Variants in NOM1 observed in about 807,000 individuals in gnomAD.
The protein encoded by NOM1 is nucleolar MIF4G domain-containing protein 1.
Under a neutral mutation model 73.3 loss-of-function variants are expected in NOM1, and 58 were observed. The observed-to-expected ratio is 0.79, with a 90% CI of 0.64 to 0.99. The LOEUF is 0.99. Among genes scored for constraint, NOM1 ranks in the 50% least tolerant of loss-of-function variants. The probability of loss-of-function intolerance (pLI) is 0.00; values close to 1 mark genes in which losing one functional copy is unlikely to be tolerated. For synonymous variants in NOM1, 487 were observed against 446.8 expected (o/e 1.09, Z -1.14); for missense variants, 1,226 against 1,131.9 (o/e 1.08, Z -1.19).
At position 156,957,603 on chromosome 7, in the gene NOM1, G is replaced by A. The variant is rs570535276; in HGVS notation, c.1309-2248G>A. 2.8e-4 allele frequency among the ~76,000 whole-genome samples: 42 copies of A among 151,882 alleles called. No individual in the cohort carries two copies. The South Asian group carries it at 3.5e-3, about 13-fold the overall frequency. On this transcript the variant is annotated intron_variant, in intron 3 of 10. Transcript: ENST00000275820. ...ATCCTGGCTAACATGGTGAAACCCC[G>A]TTTCTACTAAAAATACAAAAAATTA...
chr7:156,966,290 A>C lies in NOM1; in HGVS notation c.2054A>C (p.Gln685Pro), dbSNP rs201348986. The C allele has an allele frequency of 2.3e-5, 37 of 1,614,018 alleles. No homozygotes were observed. Among genetic ancestry groups the C allele is most frequent in the Non-Finnish European group, 2.7e-5 (32 of 1,180,048 alleles). The part of the protein sequence containing the change: ...KLLKLGLKDQ[Q>P]EREIIHVLMD... Reference sequence around the variant, plus strand: ...TCTAGGCTTGGACTTAAGGATCAGCAGGAGAGAGAAATCATTCACGTTCTC... The same window carrying C: ...TCTAGGCTTGGACTTAAGGATCAGCCGGAGAGAGAAATCATTCACGTTCTC... The change falls in exon 8 of 11, where the codon CAG becomes CCG. Residue 685 changes from glutamine to proline, a missense_variant. By Grantham distance (76) the Gln-to-Pro change is moderately conservative. Transcript: ENST00000275820.
intron 9 of NOM1, among the ~76,000 whole-genome samples, chr7:156,968,426 G>A (rs901746014): frequency 6.6e-6 from 1 of 152,090 alleles, no homozygotes; most frequent in Admixed American, 6.6e-5. Flanking sequence ...AAGCGCCTGT[G>A]ATGGTGTTTG....
rs1804533105 is a variant in NOM1 at position 156,949,947 on chromosome 7, C to T, written c.210C>T (p.Ala70=). The change falls in exon 1 of 11, where the codon GCC becomes GCT. Residue 70 remains alanine, a synonymous_variant. Transcript: ENST00000275820. ...EAPGGCEGRG[A]PVSFRPGGRK... Reference sequence around the variant, plus strand: ...CCGGGGGTTGCGAGGGGCGCGGCGCCCCGGTGAGCTTTCGCCCGGGAGGGA... The same window carrying T: ...CCGGGGGTTGCGAGGGGCGCGGCGCTCCGGTGAGCTTTCGCCCGGGAGGGA... 2.6e-6 allele frequency: 4 copies of T among 1,541,914 alleles called. No homozygotes were observed. In the South Asian group the frequency reaches 3.6e-5, roughly 14 times the overall value.
chr7:156,963,682 C>T (rs536098374), intron 6 of NOM1: 10 of 461,236 alleles, frequency 2.2e-5, no homozygotes, highest in East Asian at 1.4e-4. Context: ...GGTTGAACCA[C>T]GACTGAGAAG....
In NOM1 at chr7:156,949,967, G is replaced by A. The variant is rs1441967381; in HGVS notation, c.230G>A (p.Gly77Glu). The A allele has an allele frequency of 1.5e-5, 23 of 1,540,996 alleles. No individual in the cohort carries two copies. In the South Asian group the frequency reaches 2.7e-4, roughly 18 times the overall value. The change falls in exon 1 of 11, where the codon GGA (glycine) becomes GAA (glutamate). Residue 77 changes from glycine to glutamate, a missense_variant. By Grantham distance (98) the Gly-to-Glu change is moderately conservative. Transcript: ENST00000275820. ...GRGAPVSFRP[G>E]GRKSRKELRK... ...GGCGCCCCGGTGAGCTTTCGCCCGG[G>A]AGGGAGAAAAAGCCGTAAGGAACTG...
rs1804964369 is a variant in NOM1, at chr7:156,965,170, GCTC to G, written c.2034-1096_2034-1094del. On this transcript the variant is annotated intron_variant, in intron 7 of 10. Coordinates refer to ENST00000275820, the MANE Select transcript of NOM1 (RefSeq NM_138400.2). Reference sequence around the variant, plus strand: ...CTGTGCTGTTTGCAGTGGAGCTGGTGCTCCTCTCCTGAGGTACAGAGTGTCTGC... The same window carrying G: ...CTGTGCTGTTTGCAGTGGAGCTGGTGCTCTCCTGAGGTACAGAGTGTCTGC... Among the ~76,000 whole-genome samples the G allele has an allele frequency of 2.0e-5, 3 of 152,246 alleles. No individual in the cohort carries two copies. In the South Asian group the frequency reaches 6.2e-4, roughly 32 times the overall value.
At chr7:156,961,027 T>C (rs1254601359) in intron 4 of NOM1, among the ~76,000 whole-genome samples, 3 of 152,090 alleles carry the variant, frequency 2.0e-5, no homozygotes, top group Admixed American at 6.5e-5. Flanking sequence ...CCTCCATTTT[T>C]GAAAGACTGG....
Position 156,952,372 on chromosome 7 carries a change from C to A in NOM1, c.988-102C>A, listed in dbSNP as rs943911493. ...CAGCAATGATCAGTAGCAGCTTCCA[C>A]CAGTTCTTGGAAGTTTAATATTTAA... On this transcript the variant is annotated intron_variant, in intron 1 of 10. Transcript: ENST00000275820. 4.8e-6 allele frequency: 6 copies of A among 1,248,886 alleles called. No individual in the cohort carries two copies. The African/African-American group carries it at 9.1e-5, about 19-fold the overall frequency. The allele number at this position is 1,248,886 out of a possible 1,614,324, so 77.4% of individuals were successfully genotyped here.
At chr7:156,957,616 A>G (rs1196328509) in intron 3 of NOM1, among the ~76,000 whole-genome samples, 1 of 152,066 alleles carries the variant, frequency 6.6e-6, no homozygotes, top group African/African-American at 2.4e-5. Flanking sequence ...TCTACTAAAA[A>G]TACAAAAAAT....
intron 4 of NOM1, among the ~76,000 whole-genome samples, chr7:156,961,866 G>A (rs953463591): frequency 1.5e-4 from 23 of 152,122 alleles, no homozygotes; most frequent in Non-Finnish European, 4.4e-5. Context: ...AGGTGTGGAC[G>A]GTGCGGAAGG....
intron 9 of NOM1, 133 bp downstream of exon 9, chr7:156,967,225 C>G (rs1805020227): frequency 9.1e-7 from 1 of 1,093,374 alleles, no homozygotes. Flanking sequence ...CTTGCATTAT[C>G]CTAGCCAGGA....
chr7:156,969,757 A>G lies in NOM1; in HGVS notation c.*54A>G, dbSNP rs754714057. On this transcript the variant is annotated 3_prime_UTR_variant, in exon 11 of 11. Transcript: ENST00000275820. ...TTTGACTGTAAAATGTCCTTGGTAA[A>G]CCCAAAGGCTTATTCTGTTGCCTGC... The G allele has an allele frequency of 6.6e-7, 1 of 1,515,178 alleles. No individual in the cohort carries two copies. Among genetic ancestry groups the G allele is most frequent in the South Asian group, 1.2e-5 (1 of 83,160 alleles). 93.9% of individuals were successfully genotyped at this position (1,515,178 alleles called of 1,614,324 possible).
At position 156,952,377 on chromosome 7, in the gene NOM1, T is replaced by G. The variant is rs943162566; in HGVS notation, c.988-97T>G. On this transcript the variant is annotated intron_variant, in intron 1 of 10. Coordinates refer to ENST00000275820, the MANE Select transcript of NOM1 (RefSeq NM_138400.2). ...ATGATCAGTAGCAGCTTCCACCAGT[T>G]CTTGGAAGTTTAATATTTAAATACA... is the stretch of plus-strand genomic sequence containing the variant. 30 of 1,318,882 alleles carry G rather than the reference T, an allele frequency of 2.3e-5. No homozygotes were observed. In the African/African-American group the frequency reaches 4.3e-4, roughly 19 times the overall value. 81.7% of individuals were successfully genotyped at this position (1,318,882 alleles called of 1,614,324 possible).
intron 1 of NOM1, among the ~76,000 whole-genome samples, chr7:156,951,104 G>A (rs1419189187): frequency 2.0e-5 from 3 of 152,112 alleles, no homozygotes; most frequent in Non-Finnish European, 4.4e-5. Context: ...TCTAAAACTC[G>A]AAGCTAATTT....
In NOM1 at chr7:156,972,861, TTAGA is replaced by T. The variant is rs1451353582; in HGVS notation, c.*3162_*3165del. The T allele has an allele frequency of 8.5e-5, 13 of 152,338 alleles. No individual in the cohort carries two copies. Among genetic ancestry groups the T allele is most frequent in the African/African-American group, 2.9e-4 (12 of 41,582 alleles). 9.4% of individuals were successfully genotyped at this position (152,338 alleles called of 1,614,324 possible). A position where few individuals can be genotyped will look rare whatever the true frequency, so the allele number is the denominator to read the frequency against. ...ACAAAAACCCAACATATATGGGCTG[TTAGA>T]TAGTAATTGTAATTTCGTATAAATA... On this transcript the variant is annotated 3_prime_UTR_variant, in exon 11 of 11. Transcript: ENST00000275820.
At chr7:156,967,218 G>A in intron 9 of NOM1, 126 bp downstream of exon 9, 1 of 1,161,920 alleles carries the variant, frequency 8.6e-7, no homozygotes, top group Non-Finnish European at 1.2e-6. Flanking sequence ...AAAAGTGCTT[G>A]CATTATCCTA....
intron 1 of NOM1, among the ~76,000 whole-genome samples, chr7:156,951,437 G>T (rs1208648577): frequency 6.6e-6 from 1 of 152,136 alleles, no homozygotes; most frequent in African/African-American, 2.4e-5. Flanking sequence ...AGGCATTCAT[G>T]GGCTGTCATC....
At chr7:156,967,149 G>A in intron 9 of NOM1, 57 bp downstream of exon 9, 2 of 1,571,962 alleles carry the variant, frequency 1.3e-6, no homozygotes, top group Non-Finnish European at 1.7e-6. Context: ...TAATTGTTTA[G>A]TACCTGGTAA....
chr7:156,972,969 A>G lies in NOM1; in HGVS notation c.*3266A>G, dbSNP rs1805175524. 1 of 152,234 alleles carries G rather than the reference A, an allele frequency of 6.6e-6. No individual in the cohort carries two copies. The highest frequency in any genetic ancestry group is 1.5e-5 in the Non-Finnish European group (1 of 68,036). The allele number at this position is 152,234 out of a possible 1,614,324, so 9.4% of individuals were successfully genotyped here. ...TATAGGGGGTTTTTTGAAATTTATTACAGTGCAATTGAAAATACACTTAAA... is the reference window on the plus strand; with the variant it reads ...TATAGGGGGTTTTTTGAAATTTATTGCAGTGCAATTGAAAATACACTTAAA... On this transcript the variant is annotated 3_prime_UTR_variant, in exon 11 of 11. Transcript: ENST00000275820.
Sources: gnomAD v4.1 joint callset for allele counts (sites outside exome capture counted in the v4.1 genomes callset) on GRCh38, gnomAD v4.1.1 for gene constraint, MANE v1.5 for transcripts, NCBI Gene and HGNC (gene_info 2026-07-23, HGNC 2026-07-21) for gene names.